The following ATP11B variants were observed in gnomAD, a reference collection of about 807,000 sequenced individuals.
The protein encoded by ATP11B is ATPase phospholipid transporting 11B (putative), also known as phospholipid-transporting ATPase IF.
Under a neutral mutation model 157.8 loss-of-function variants are expected in ATP11B, and 81 were observed. The ratio of observed to expected loss-of-function variants is 0.51; its 90% CI spans 0.43 to 0.62. ATP11B has a LOEUF of 0.62. Ranked by LOEUF, ATP11B falls within the 20% of genes least tolerant of loss-of-function variation. ATP11B has a pLI of 0.00. For synonymous variants in ATP11B, 451 were observed against 469.4 expected (o/e 0.96, Z 0.51); for missense variants, 1,165 against 1,402.2 (o/e 0.83, Z 2.70).
intron 12 of ATP11B, among the ~76,000 whole-genome samples, chr3:182,863,126 G>A (rs372731305): frequency 1.3e-5 from 2 of 151,648 alleles, no homozygotes; most frequent in Non-Finnish European, 2.9e-5. Context: ...CCGTGGTCTC[G>A]ATCTCCTGAC....
chr3:182,799,313 C>T (rs1373788799), intron 1 of ATP11B, among the ~76,000 whole-genome samples: 1 of 148,410 alleles, frequency 6.7e-6, no homozygotes, highest in African/African-American at 2.5e-5. Context: ...CAGTTTCGCT[C>T]TTTCGCCCAG....
chr3:182,864,567 A>G (rs1447595177), intron 12 of ATP11B, among the ~76,000 whole-genome samples: 1 of 152,080 alleles, frequency 6.6e-6, no homozygotes, highest in Admixed American at 6.6e-5. Context: ...GATTACATTA[A>G]TTTTTTTAAG....
At chr3:182,900,567 A>G (rs1404736369) in intron 28 of ATP11B, among the ~76,000 whole-genome samples, 2 of 152,098 alleles carry the variant, frequency 1.3e-5, no homozygotes, top group Non-Finnish European at 2.9e-5. Context: ...AATATATATC[A>G]GAAAGTTTGC....
At chr3:182,798,294 C>T (rs1715759525) in intron 1 of ATP11B, among the ~76,000 whole-genome samples, 1 of 152,164 alleles carries the variant, frequency 6.6e-6, no homozygotes, top group South Asian at 2.1e-4. Flanking sequence ...TAGGTATTCA[C>T]CTGCCAAATG....
Position 182,867,393 on chromosome 3 carries a change from T to C in ATP11B, c.1637T>C (p.Ile546Thr), listed in dbSNP as rs1419463650. ...ATGTCTAGGATTGGTATTGTGTTTA[T>C]TGGCAATTCTGAAGAAACTATGGAG... The part of the protein sequence containing the change: ...EAAARIGIVF[I>T]GNSEETMEVK... Residue 546 changes from isoleucine to threonine, a missense_variant, in exon 15 of 30, where the codon ATT (isoleucine) becomes ACT (threonine). Ile to Thr is a moderately conservative substitution (Grantham distance 89). This residue lies in a region of ATP11B where 737 missense variants were observed against 930.5 expected (regional missense o/e 0.79). Transcript: ENST00000323116. 3.7e-6 allele frequency: 6 copies of C among 1,610,202 alleles called. No individual in the cohort carries two copies. Among genetic ancestry groups the C allele is most frequent in the East Asian group, 4.5e-5 (2 of 44,804 alleles).
intron 1 of ATP11B, among the ~76,000 whole-genome samples, 169 bp downstream of exon 1, chr3:182,793,955 G>T (rs1192393905): frequency 6.6e-6 from 1 of 151,918 alleles, no homozygotes; most frequent in African/African-American, 2.4e-5. Context: ...GCCCCGTGCG[G>T]CTCCCGGGCT....
Position 182,876,154 on chromosome 3 carries a change from G to T in ATP11B, c.2252+2139G>T, listed in dbSNP as rs114890287. On this transcript the variant is annotated intron_variant, in intron 19 of 29. Coordinates refer to ENST00000323116, the MANE Select transcript of ATP11B (RefSeq NM_014616.3). ...GTTACTCCGAAAGCTGAGACAAGAG[G>T]ATCACTTGAGCCCAGAAGTTCAAGG... 2.1e-3 allele frequency among the ~76,000 whole-genome samples: 320 copies of T among 152,110 alleles called. 1 individual carries two copies. The highest frequency in any genetic ancestry group is 2.6e-3 in the Non-Finnish European group (179 of 68,008).
At chr3:182,886,081 A>G (rs915985258) in intron 23 of ATP11B, 71 bp downstream of exon 23, 3 of 1,019,316 alleles carry the variant, frequency 2.9e-6, no homozygotes, top group Non-Finnish European at 4.1e-6. Flanking sequence ...AGATTTTGAT[A>G]GACGTTTGAA....
intron 25 of ATP11B, among the ~76,000 whole-genome samples, chr3:182,893,249 A>G (rs577126056): frequency 3.9e-5 from 6 of 151,916 alleles, no homozygotes; most frequent in Non-Finnish European, 5.9e-5. Context: ...TTTTTTTTAC[A>G]TGAATAAGTT....
intron 8 of ATP11B, among the ~76,000 whole-genome samples, chr3:182,842,446 G>A (rs951788165): frequency 1.3e-5 from 2 of 152,162 alleles, no homozygotes; most frequent in African/African-American, 4.8e-5. Context: ...CTGGGGAAGG[G>A]TTGTGGAGCT....
chr3:182,894,129 G>T (rs780825982), intron 25 of ATP11B, among the ~76,000 whole-genome samples: 1 of 152,058 alleles, frequency 6.6e-6, no homozygotes, highest in Non-Finnish European at 1.5e-5. Context: ...CTCTGTGCTT[G>T]TCTGTTTACT....
chr3:182,828,619 A>C (rs1717890881), intron 3 of ATP11B, among the ~76,000 whole-genome samples: 1 of 151,614 alleles, frequency 6.6e-6, no homozygotes, highest in African/African-American at 2.4e-5. Context: ...TTTTTAATTT[A>C]AATTTAACTT....
intron 29 of ATP11B, chr3:182,916,332 G>A: frequency 3.0e-6 from 3 of 985,308 alleles, no homozygotes; most frequent in Middle Eastern, 5.2e-4. Context: ...GTGTTCCATT[G>A]ACATAGTAAA....
intron 1 of ATP11B, among the ~76,000 whole-genome samples, chr3:182,810,196 G>A (rs113579390): frequency 2.0e-5 from 3 of 152,040 alleles, no homozygotes; most frequent in Non-Finnish European, 4.4e-5. Context: ...GCCTGGCATC[G>A]TGGTGGGTGC....
chr3:182,861,246 GT>G (rs1720813782), intron 12 of ATP11B, among the ~76,000 whole-genome samples: 1 of 151,838 alleles, frequency 6.6e-6, no homozygotes, highest in African/African-American at 2.4e-5. Flanking sequence ...TGTATTTTTA[GT>G]AGAAACGTGG....
Position 182,859,162 on chromosome 3 carries a change from A to G in ATP11B, c.1003A>G (p.Ile335Val), listed in dbSNP as rs1285869114. ...CAAACAATTATTTCCTTTTTTCTAGATTCTGAGATTTATTTCAGACTTCCT... is the reference window on the plus strand; with the variant it reads ...CAAACAATTATTTCCTTTTTTCTAGGTTCTGAGATTTATTTCAGACTTCCT... Reference protein sequence around the residue: ...KTEHQRNSSKILRFISDFLAF... With the variant: ...KTEHQRNSSKVLRFISDFLAF... The change falls in exon 12 of 30, where the codon ATT becomes GTT. Residue 335 changes from isoleucine to valine, a missense_variant and splice_region_variant. Ile to Val is a conservative substitution (Grantham distance 29, BLOSUM62 3). Coordinates refer to ENST00000323116, the MANE Select transcript of ATP11B (RefSeq NM_014616.3). The G allele has an allele frequency of 6.3e-7, 1 of 1,594,220 alleles. No homozygotes were observed.
chr3:182,901,166 C>T (rs980213527), intron 28 of ATP11B, among the ~76,000 whole-genome samples: 1 of 151,384 alleles, frequency 6.6e-6, no homozygotes, highest in Non-Finnish European at 1.5e-5. Context: ...GAGCGAGACT[C>T]CATCTCAGAA....
chr3:182,899,446 T>C (rs78239220), intron 28 of ATP11B, among the ~76,000 whole-genome samples: 8,364 of 152,144 alleles, frequency 0.055, 777 homozygotes, highest in African/African-American at 0.19. Flanking sequence ...CCACTGCACC[T>C]GGCCGAGTAA....
At chr3:182,915,811 C>T in intron 29 of ATP11B, 1 of 978,660 alleles carries the variant, frequency 1.0e-6, no homozygotes, top group African/African-American at 1.8e-5. Context: ...TTGAAGGTAG[C>T]TATTATCATC....
Sources: allele counts gnomAD v4.1 joint callset (sites outside exome capture counted in the v4.1 genomes callset), GRCh38; gene constraint gnomAD v4.1.1; regional missense constraint gnomAD v4.1.1; transcripts MANE v1.5; gene names NCBI Gene and HGNC (gene_info 2026-07-23, HGNC 2026-07-21).